LYG1: variants seen among roughly 807,000 people sequenced by gnomAD.
LYG1 encodes the protein lysozyme g1.
A neutral mutation model predicts 21.7 loss-of-function variants in LYG1; 17 were observed. The observed-to-expected ratio is 0.78, with a 90% CI of 0.54 to 1.18. The LOEUF is 1.18. LYG1 is among the 50% of genes most tolerant of loss of function. The pLI, the probability that LYG1 is intolerant of heterozygous loss-of-function variation, is 0.00. For synonymous variants in LYG1, 81 were observed against 87.4 expected (o/e 0.93, Z 0.41); for missense variants, 211 against 238.1 (o/e 0.89, Z 0.75).
At chr2:99,301,514 G>GGA, upstream of LYG1, among the ~76,000 whole-genome samples, 1 of 131,126 alleles carries the variant, frequency 7.6e-6, no homozygotes, top group African/African-American at 2.7e-5. Context: ...GGAAGGAAGG[G>GGA]AGGGAGGGAA....
intron 4 of LYG1, among the ~76,000 whole-genome samples, chr2:99,292,284 C>G (rs1179456373): frequency 6.6e-6 from 1 of 151,492 alleles, no homozygotes; most frequent in Non-Finnish European, 1.5e-5. Flanking sequence ...AAACTTATCT[C>G]AAAAAAAATA....
intron 5 of LYG1, among the ~76,000 whole-genome samples, chr2:99,286,782 T>G (rs2094101518): frequency 6.6e-6 from 1 of 152,166 alleles, no homozygotes; most frequent in Non-Finnish European, 1.5e-5. Context: ...CCAAAAGAAT[T>G]GGAATCAGGA....
chr2:99,292,506 T>A (rs2094122597), intron 4 of LYG1, 30 bp downstream of exon 4: 1 of 1,501,540 alleles, frequency 6.7e-7, no homozygotes. Context: ...AGCCGGGGGA[T>A]AGGTTGAGAG....
intron 5 of LYG1, among the ~76,000 whole-genome samples, chr2:99,290,556 G>C (rs2094115237): frequency 6.6e-6 from 1 of 152,064 alleles, no homozygotes; most frequent in Non-Finnish European, 1.5e-5. Context: ...ATACTCACAG[G>C]TTCCTCAACA....
intron 1 of LYG1, among the ~76,000 whole-genome samples, chr2:99,299,073 A>G (rs1222679277): frequency 6.6e-6 from 1 of 151,572 alleles, no homozygotes; most frequent in African/African-American, 2.4e-5. Context: ...CTGAGACTAC[A>G]GGCACTCCAC....
chr2:99,300,340 T>C (rs574045996), intron 1 of LYG1, among the ~76,000 whole-genome samples: 9 of 152,206 alleles, frequency 5.9e-5, no homozygotes, highest in African/African-American at 2.2e-4. Context: ...CTTCTCTCAG[T>C]GCGTCCTCTG....
chr2:99,290,886 A>G (rs981548696), intron 5 of LYG1, among the ~76,000 whole-genome samples: 1 of 152,218 alleles, frequency 6.6e-6, no homozygotes, highest in African/African-American at 2.4e-5. Context: ...TAGGTAGAGA[A>G]ACTAAGGCCC....
intron 5 of LYG1, among the ~76,000 whole-genome samples, chr2:99,290,045 A>G (rs1013486637): frequency 6.6e-6 from 1 of 152,036 alleles, no homozygotes; most frequent in Admixed American, 6.6e-5. Context: ...TTTAGTAGAG[A>G]TGGGGTTTCA....
intron 5 of LYG1, among the ~76,000 whole-genome samples, chr2:99,286,555 T>C (rs2094100268): frequency 6.6e-6 from 1 of 151,906 alleles, no homozygotes; most frequent in South Asian, 2.1e-4. Flanking sequence ...AATACAAAAA[T>C]TAGCCAGGTG....
intron 5 of LYG1, among the ~76,000 whole-genome samples, chr2:99,286,093 C>A (rs1435760228): frequency 1.3e-5 from 2 of 152,092 alleles, no homozygotes; most frequent in Admixed American, 1.3e-4. Flanking sequence ...ACTAAGCCAG[C>A]ACACTCAGCC....
intron 1 of LYG1, among the ~76,000 whole-genome samples, chr2:99,299,907 CAT>C (rs1259340475): frequency 6.6e-6 from 1 of 151,828 alleles, no homozygotes; most frequent in Non-Finnish European, 1.5e-5. Flanking sequence ...TCCCTCCCTA[CAT>C]ATATACACAC....
chr2:99,302,740 C>T (rs575378527), upstream of LYG1, among the ~76,000 whole-genome samples: 5 of 152,208 alleles, frequency 3.3e-5, no homozygotes, highest in South Asian at 2.1e-4. Flanking sequence ...TATTCTCAGC[C>T]GGGCACAGAG....
At chr2:99,285,154 G>A (rs1291815994) in intron 5 of LYG1, among the ~76,000 whole-genome samples, 2 of 152,108 alleles carry the variant, frequency 1.3e-5, no homozygotes, top group Non-Finnish European at 2.9e-5. Flanking sequence ...TTAAGCTCAG[G>A]AGTTCGAGAC....
In LYG1 at chr2:99,294,298, A is replaced by G. The variant is rs138774776; in HGVS notation, c.43+1330T>C. Among the ~76,000 whole-genome samples, 982 of 152,328 alleles carry G rather than the reference A, an allele frequency of 6.4e-3. 8 individuals are homozygous for G. Among genetic ancestry groups the G allele is most frequent in the African/African-American group, 0.021 (883 of 41,574 alleles). On this transcript the variant is annotated intron_variant, in intron 3 of 6. Coordinates refer to ENST00000308528, the MANE Select transcript of LYG1 (RefSeq NM_174898.3). ...TAATGATTTGCAGATCTTTGGAGATATATCTATTGCCTATAATCATATGTG... is the reference window on the plus strand; with the variant it reads ...TAATGATTTGCAGATCTTTGGAGATGTATCTATTGCCTATAATCATATGTG...
upstream of LYG1, chr2:99,304,742 C>G (rs13008948): frequency 0.37 from 56,378 of 152,044 alleles, 11,205 homozygotes; most frequent in East Asian, 0.63. Flanking sequence ...AACATAGCAA[C>G]ATCCTGTCTC....
chr2:99,297,626 C>T (rs34265922), intron 2 of LYG1, among the ~76,000 whole-genome samples: 45 of 152,208 alleles, frequency 3.0e-4, no homozygotes, highest in Non-Finnish European at 5.7e-4. Context: ...AATGGGAACA[C>T]AGAATTACTT....
At chr2:99,288,897 A>G (rs2094110191) in intron 5 of LYG1, among the ~76,000 whole-genome samples, 1 of 151,978 alleles carries the variant, frequency 6.6e-6, no homozygotes, top group Admixed American at 6.6e-5. Flanking sequence ...ACTATGTCTC[A>G]CCCTAAATAA....
intron 4 of LYG1, 137 bp downstream of exon 4, chr2:99,292,399 G>A: frequency 1.5e-6 from 1 of 648,804 alleles, no homozygotes; most frequent in East Asian, 2.7e-5. Flanking sequence ...ACGGATGCAG[G>A]GGCAGCTAAG....
chr2:99,301,215 A>ATAGG (rs2094152988), upstream of LYG1: 1 of 152,308 alleles, frequency 6.6e-6, no homozygotes, highest in African/African-American at 2.4e-5. Flanking sequence ...CCGAACTTAT[A>ATAGG]TAGGGCCTTT....
Sources: allele counts gnomAD v4.1 joint callset (sites outside exome capture counted in the v4.1 genomes callset), GRCh38; gene constraint gnomAD v4.1.1; transcripts MANE v1.5; gene names NCBI Gene and HGNC (gene_info 2026-07-23, HGNC 2026-07-21).